Variants in LEKR1 observed in about 807,000 individuals in gnomAD.
LEKR1 encodes the protein leucine, glutamate and lysine rich 1.
LEKR1 carries 59 observed loss-of-function variants against 72.4 expected under a neutral mutation model. The observed-to-expected ratio is 0.82, with a 90% CI of 0.66 to 1.01. The LOEUF is 1.01. Ranked by LOEUF, LEKR1 falls within the 50% of genes least tolerant of loss-of-function variation. The pLI is 0.00. For synonymous variants in LEKR1, 257 were observed against 263.2 expected, an observed-to-expected ratio of 0.98 and a Z score of 0.23; for missense variants, 728 against 759.2, an observed-to-expected ratio of 0.96 and a Z score of 0.48.
chr3:157,017,467 A>G (rs1560149479), intron 10 of LEKR1: 1 of 152,210 alleles, frequency 6.6e-6, no homozygotes, highest in Non-Finnish European at 1.5e-5. Flanking sequence ...ACCTTCTTGA[A>G]GCTGCACGTG....
Position 156,859,975 on chromosome 3 carries a change from C to A in LEKR1, c.263+6993C>A, listed in dbSNP as rs114287950. On this transcript the variant is annotated intron_variant, in intron 3 of 12. Transcript: ENST00000356539. Reference sequence around the variant, plus strand: ...TTCTGGGTTGGAGACTTCGACAGCACCTTGTCTGGGATATATGAGAGTCAA... The same window carrying A: ...TTCTGGGTTGGAGACTTCGACAGCAACTTGTCTGGGATATATGAGAGTCAA... Among the ~76,000 whole-genome samples, 235 of 152,240 alleles carry A rather than the reference C, an allele frequency of 1.5e-3. 3 individuals are homozygous for A. Among genetic ancestry groups the A allele is most frequent in the African/African-American group, 5.5e-3 (230 of 41,556 alleles).
intron 3 of LEKR1, among the ~76,000 whole-genome samples, chr3:156,879,809 G>A (rs182152156): frequency 6.6e-6 from 1 of 152,236 alleles, no homozygotes; most frequent in African/African-American, 2.4e-5. Context: ...AGCTCGGGTT[G>A]TGGCTTCAGA....
intron 10 of LEKR1, among the ~76,000 whole-genome samples, chr3:157,013,445 C>T (rs1053861634): frequency 3.3e-5 from 5 of 152,018 alleles, no homozygotes; most frequent in Non-Finnish European, 5.9e-5. Flanking sequence ...TATGTTCTTG[C>T]TTTATGCTAG....
intron 2 of LEKR1, 28 bp from the exon 3 acceptor site, chr3:156,852,739 AT>A (rs1715529284): frequency 8.0e-7 from 1 of 1,250,632 alleles, no homozygotes; most frequent in Non-Finnish European, 1.1e-6. Context: ...AATTAAAAAA[AT>A]TTGGTAAGTG....
At chr3:156,877,148 A>G (rs1718693997) in intron 3 of LEKR1, among the ~76,000 whole-genome samples, 1 of 152,208 alleles carries the variant, frequency 6.6e-6, no homozygotes, top group Non-Finnish European at 1.5e-5. Flanking sequence ...CCATCCCTGT[A>G]TCTCTGATAT....
intron 5 of LEKR1, among the ~76,000 whole-genome samples, chr3:156,933,568 G>T (rs73027764): frequency 0.021 from 3,206 of 152,172 alleles, 122 homozygotes; most frequent in African/African-American, 0.072. Flanking sequence ...TCTCATTTTT[G>T]AGTGTCTTGT....
chr3:156,970,456 G>T (rs542367528), intron 6 of LEKR1, among the ~76,000 whole-genome samples: 1 of 152,076 alleles, frequency 6.6e-6, no homozygotes, highest in Admixed American at 6.6e-5. Context: ...GGTTTTTATG[G>T]TTTTAGGTCT....
In LEKR1 at chr3:157,045,353, A is replaced by G. The variant is rs1735673114; in HGVS notation, c.1682A>G (p.Gln561Arg). ...CTCTCTTTTCAGAATACTTTTCTTC[A>G]GGAGACAGTGCGTAGAGAATGTGAA... ...NQSQEENTFL[Q>R]ETVRRECEER... Residue 561 changes from glutamine to arginine, a missense_variant, in exon 13 of 13, where the codon CAG becomes CGG. Transcript: ENST00000356539. 1 of 1,608,428 alleles carries G rather than the reference A, an allele frequency of 6.2e-7. No individual in the cohort carries two copies. The highest frequency in any genetic ancestry group is 1.7e-5 in the Admixed American group (1 of 59,562).
chr3:156,852,904 A>T lies in LEKR1; in HGVS notation c.185A>T (p.Lys62Met), dbSNP rs1240970176. ...TATCAAGGAAGTGTAGATCGTGAAA[A>T]GAGACTTCAAGAAAAGCTGCATTCT... ...KFYQGSVDREKRLQEKLHSLS... is the reference protein window; with the variant it reads ...KFYQGSVDREMRLQEKLHSLS... Residue 62 changes from lysine (K) to methionine (M), a missense_variant, in exon 3 of 13, where the codon AAG becomes ATG. Coordinates refer to ENST00000356539, the MANE Select transcript of LEKR1 (RefSeq NM_001004316.3). 1 of 1,484,970 alleles carries T rather than the reference A, an allele frequency of 6.7e-7. No homozygotes were observed. Among genetic ancestry groups the T allele is most frequent in the Non-Finnish European group, 8.9e-7 (1 of 1,123,822 alleles). 92.0% of individuals were successfully genotyped at this position (1,484,970 alleles called of 1,614,324 possible). A position where few individuals can be genotyped will look rare whatever the true frequency, so the allele number is the denominator to read the frequency against.
intron 9 of LEKR1, among the ~76,000 whole-genome samples, chr3:156,998,745 T>C (rs1407595897): frequency 1.3e-5 from 2 of 152,194 alleles, no homozygotes; most frequent in Non-Finnish European, 2.9e-5. Flanking sequence ...CCATAAAGCA[T>C]AATTTTTAAG....
chr3:156,976,304 G>A (rs1484669845), intron 6 of LEKR1, among the ~76,000 whole-genome samples: 6 of 152,044 alleles, frequency 3.9e-5, no homozygotes, highest in Admixed American at 3.3e-4. Context: ...TTTAAGATAA[G>A]TCTTCCTTTT....
chr3:157,038,033 C>T (rs996881546), intron 12 of LEKR1, among the ~76,000 whole-genome samples: 1 of 152,166 alleles, frequency 6.6e-6, no homozygotes, highest in Non-Finnish European at 1.5e-5. Context: ...TCTTTGGATA[C>T]TTTGCTAGGT....
At chr3:156,827,332 G>T (rs1425474844) in intron 1 of LEKR1, among the ~76,000 whole-genome samples, 1 of 152,188 alleles carries the variant, frequency 6.6e-6, no homozygotes, top group African/African-American at 2.4e-5. Context: ...CACTTTGGGA[G>T]TTTAACCTAG....
chr3:156,853,408 G>A (rs1715639714), intron 3 of LEKR1: 1 of 152,282 alleles, frequency 6.6e-6, no homozygotes, highest in African/African-American at 2.4e-5. Context: ...AAATTAGTGT[G>A]TGATTTTAAA....
rs140585087 is a variant in LEKR1, at chr3:156,920,395, C to A, written c.264-180C>A. Among the ~76,000 whole-genome samples, 368 of 152,204 alleles carry A rather than the reference C, an allele frequency of 2.4e-3. 15 individuals are homozygous for A. In the East Asian group the frequency reaches 0.057, roughly 24 times the overall value. On this transcript the variant is annotated intron_variant, in intron 3 of 12. Coordinates refer to ENST00000356539, the MANE Select transcript of LEKR1 (RefSeq NM_001004316.3). ...CCTGCCCATAAATTCCACTCTCCTCCCCAGGATTTGGTGCCCAAGATTTGG... is the reference window on the plus strand; with the variant it reads ...CCTGCCCATAAATTCCACTCTCCTCACCAGGATTTGGTGCCCAAGATTTGG...
intron 10 of LEKR1, 137 bp from the exon 11 acceptor site, chr3:157,024,623 G>C: frequency 1.4e-6 from 1 of 701,582 alleles, no homozygotes; most frequent in Non-Finnish European, 2.2e-6. Context: ...ACTTTTTTTT[G>C]AACACTAGAA....
chr3:156,980,479 G>A (rs1020898490), intron 7 of LEKR1, among the ~76,000 whole-genome samples: 5 of 150,942 alleles, frequency 3.3e-5, no homozygotes, highest in African/African-American at 4.9e-5. Flanking sequence ...ATTGGTGGAC[G>A]GGGGTCCTTA....
intron 9 of LEKR1, among the ~76,000 whole-genome samples, chr3:157,006,106 C>G (rs1017967930): frequency 6.6e-6 from 1 of 151,806 alleles, no homozygotes; most frequent in Admixed American, 6.5e-5. Context: ...CCCGGGTTCA[C>G]GCCATTCTCC....
intron 6 of LEKR1, among the ~76,000 whole-genome samples, chr3:156,972,665 AATG>A (rs1438604048): frequency 6.6e-6 from 1 of 151,026 alleles, no homozygotes; most frequent in Non-Finnish European, 1.5e-5. Context: ...AATATATCTT[AATG>A]ATATTTGTAC....
Sources: gnomAD v4.1 joint callset for allele counts (sites outside exome capture counted in the v4.1 genomes callset) on GRCh38, gnomAD v4.1.1 for gene constraint, MANE v1.5 for transcripts, NCBI Gene and HGNC (gene_info 2026-07-23, HGNC 2026-07-21) for gene names.